The following ONECUT3 variants were observed in gnomAD, a reference collection of about 807,000 sequenced individuals.
The protein encoded by ONECUT3 is one cut domain family member 3.
A neutral mutation model predicts 16.8 loss-of-function variants in ONECUT3; 11 were observed. That is an observed-to-expected ratio of 0.66 (90% CI 0.41 to 1.09). ONECUT3 has a LOEUF of 1.09. Among genes scored for constraint, ONECUT3 ranks in the 50% least tolerant of loss-of-function variants. The pLI is 0.00. For missense variants in ONECUT3, 637 were observed against 629.9 expected, an observed-to-expected ratio of 1.01 and a Z score of -0.12; for synonymous variants, 344 against 310.7, an observed-to-expected ratio of 1.11 and a Z score of -1.13.
At position 1,775,213 on chromosome 19, in the gene ONECUT3, G is replaced by C. The variant is rs775262575; in HGVS notation, c.1253G>C (p.Arg418Pro). The change falls in exon 2 of 2, where the codon CGC becomes CCC. Residue 418 changes from arginine to proline, a missense_variant. Transcript: ENST00000382349. ...KERALQPKKQ[R>P]LVFTDLQRRT... is the part of the protein sequence containing the mutation. Reference sequence around the variant, plus strand: ...CGCGCCCTGCAGCCCAAGAAGCAGCGCCTGGTGTTCACCGACCTGCAGCGA... The same window carrying C: ...CGCGCCCTGCAGCCCAAGAAGCAGCCCCTGGTGTTCACCGACCTGCAGCGA... 6.4e-7 allele frequency: 1 copy of C among 1,555,420 alleles called. No individual in the cohort carries two copies. The highest frequency in any genetic ancestry group is 1.4e-5 in the African/African-American group (1 of 72,126).
rs112228195 is a variant in ONECUT3 at position 1,759,333 on chromosome 19, C to G, written c.1192+4479C>G. Among the ~76,000 whole-genome samples, 7 of 151,822 alleles carry G rather than the reference C, an allele frequency of 4.6e-5. No individual in the cohort carries two copies. The highest frequency in any genetic ancestry group is 1.7e-4 in the African/African-American group (7 of 41,358). ...TACAGGCCCTCCCTCCCCGGCTTCT[C>G]CCCCCTACCCGCTGCCACCATCAAG... On this transcript the variant is annotated intron_variant, in intron 1 of 1. Coordinates refer to ENST00000382349, the MANE Select transcript of ONECUT3 (RefSeq NM_001080488.2). The surrounding 1 kb of genome is among the most constrained non-coding windows in gnomAD (Gnocchi z 4.1).
intron 1 of ONECUT3, among the ~76,000 whole-genome samples, chr19:1,772,960 C>G (rs900820582): frequency 1.2e-4 from 18 of 151,522 alleles, no homozygotes; most frequent in African/African-American, 4.4e-4. Flanking sequence ...GCCTCGGCCT[C>G]CCAAAGTGCT....
At chr19:1,770,278 T>C (rs1162205880) in intron 1 of ONECUT3, among the ~76,000 whole-genome samples, 2 of 152,130 alleles carry the variant, frequency 1.3e-5, no homozygotes, top group Non-Finnish European at 2.9e-5. Context: ...TTTTGTTTTT[T>C]GTTTTTTAAT....
rs77696997 is a variant in ONECUT3, at chr19:1,756,137, C to A, written c.1192+1283C>A. On this transcript the variant is annotated intron_variant, in intron 1 of 1. Transcript: ENST00000382349. ...GGGGGGCTGGGCGAAGAGAGGACAG[C>A]GGGGTGTCCTGTGCTGTTCCTCCCT... is the stretch of plus-strand genomic sequence containing the variant. 4.6e-5 allele frequency among the ~76,000 whole-genome samples: 7 copies of A among 152,226 alleles called. No homozygotes were observed. The East Asian group carries it at 1.4e-3, about 29-fold the overall frequency.
chr19:1,769,109 C>G (rs1423071489), intron 1 of ONECUT3, among the ~76,000 whole-genome samples: 2 of 78,262 alleles, frequency 2.6e-5, no homozygotes, highest in African/African-American at 5.3e-5. Flanking sequence ...GGAGGAGATG[C>G]TGGAGGTGGA....
At position 1,778,149 on chromosome 19, in the gene ONECUT3, G is replaced by A. The variant is rs1273660135; in HGVS notation, c.*2704G>A. The stretch of plus-strand genomic sequence containing the variant: ...GGGTTTTGCTCTGTTACCCAGGCTG[G>A]AGTGCAGTGGTGCAATCGTAGCTCA... On this transcript the variant is annotated 3_prime_UTR_variant, in exon 2 of 2. Coordinates refer to ENST00000382349, the MANE Select transcript of ONECUT3 (RefSeq NM_001080488.2). The A allele has an allele frequency of 6.6e-6, 1 of 152,036 alleles. No individual in the cohort carries two copies. The highest frequency in any genetic ancestry group is 1.5e-5 in the Non-Finnish European group (1 of 68,022). 9.4% of individuals were successfully genotyped at this position (152,036 alleles called of 1,614,324 possible).
chr19:1,773,483 C>A (rs1346179359), intron 1 of ONECUT3, among the ~76,000 whole-genome samples: 1 of 152,146 alleles, frequency 6.6e-6, no homozygotes, highest in Non-Finnish European at 1.5e-5. Context: ...AAGGAACATT[C>A]ATTTATTTCT....
At chr19:1,770,047 G>A (rs1443800258) in intron 1 of ONECUT3, among the ~76,000 whole-genome samples, 1 of 152,086 alleles carries the variant, frequency 6.6e-6, no homozygotes, top group Non-Finnish European at 1.5e-5. Flanking sequence ...CTGAGGGGTG[G>A]CTCACATTCT....
chr19:1,763,368 A>AAAAAAAAAAAAAAAAAAAAT, intron 1 of ONECUT3, among the ~76,000 whole-genome samples: 1 of 78,836 alleles, frequency 1.3e-5, no homozygotes, highest in Non-Finnish European at 2.2e-5. Flanking sequence ...CTCCATCTCA[A>AAAAAAAAAAAAAAAAAAAAT]AAAAAAAAAA....
chr19:1,753,650 A>T lies in ONECUT3; in HGVS notation c.-13A>T. The T allele has an allele frequency of 9.8e-7, 1 of 1,024,460 alleles. No individual in the cohort carries two copies. The highest frequency in any genetic ancestry group is 1.2e-6 in the Non-Finnish European group (1 of 849,058). 63.5% of individuals were successfully genotyped at this position (1,024,460 alleles called of 1,614,324 possible). On this transcript the variant is annotated 5_prime_UTR_variant, in exon 1 of 2. Coordinates refer to ENST00000382349, the MANE Select transcript of ONECUT3 (RefSeq NM_001080488.2). ...GGCGCTGAGGAGCGCGCGCGGCGGG[A>T]GGGCAGCCGAGCATGGAGCTGAGCC...
chr19:1,754,936 C>G lies in ONECUT3; in HGVS notation c.1192+82C>G. The G allele has an allele frequency of 7.8e-7, 1 of 1,282,102 alleles. No homozygotes were observed. Among genetic ancestry groups the G allele is most frequent in the Non-Finnish European group, 9.9e-7 (1 of 1,013,194 alleles). 79.4% of individuals were successfully genotyped at this position (1,282,102 alleles called of 1,614,324 possible). Reference sequence around the variant, plus strand: ...CACCTAGCGGGGCGGCGGCCGATGCCCGGGGCCAGCGCCCCAAGCCCCGCC... The same window carrying G: ...CACCTAGCGGGGCGGCGGCCGATGCGCGGGGCCAGCGCCCCAAGCCCCGCC... On this transcript the variant is annotated intron_variant, in intron 1 of 1. Transcript: ENST00000382349. The surrounding 1 kb of genome is among the most constrained non-coding windows in gnomAD (Gnocchi z 7.4).
intron 1 of ONECUT3, among the ~76,000 whole-genome samples, chr19:1,772,860 ATTTTTTTTT>A (rs759006591): frequency 9.3e-6 from 1 of 107,234 alleles, no homozygotes; most frequent in African/African-American, 3.9e-5. Flanking sequence ...CGTCCAGCTA[ATTTTTTTTT>A]TTTTTTTTTT....
chr19:1,771,632 A>G (rs141153851), intron 1 of ONECUT3, among the ~76,000 whole-genome samples: 94 of 152,220 alleles, frequency 6.2e-4, no homozygotes, highest in African/African-American at 2.2e-3. Flanking sequence ...ATTTCACAAC[A>G]ACGAGGCTTG....
Position 1,755,106 on chromosome 19 carries a change from G to A in ONECUT3, c.1192+252G>A, listed in dbSNP as rs143393271. The stretch of plus-strand genomic sequence containing the variant: ...CGCCGCTTCTGCCCCTTTCGGGAGC[G>A]CGTAGGGGTTCTCTAGTCCTTGTTA... On this transcript the variant is annotated intron_variant, in intron 1 of 1. Coordinates refer to ENST00000382349, the MANE Select transcript of ONECUT3 (RefSeq NM_001080488.2). The surrounding 1 kb of genome is among the most constrained non-coding windows in gnomAD (Gnocchi z 7.5). 5.1e-3 allele frequency among the ~76,000 whole-genome samples: 770 copies of A among 152,300 alleles called. 6 individuals are homozygous for A. Among genetic ancestry groups the A allele is most frequent in the African/African-American group, 0.018 (739 of 41,562 alleles).
intron 1 of ONECUT3, among the ~76,000 whole-genome samples, chr19:1,760,742 C>T (rs973859312): frequency 3.9e-5 from 6 of 152,072 alleles, no homozygotes; most frequent in Non-Finnish European, 7.4e-5. Context: ...CAGCAGACCT[C>T]CCCCTCCCAA....
intron 1 of ONECUT3, among the ~76,000 whole-genome samples, chr19:1,768,859 GGAGGAGGTGGCGGAGGTA>G (rs2145964335): frequency 6.6e-6 from 1 of 151,952 alleles, no homozygotes. Flanking sequence ...TGGAGACGAT[GGAGGAGGTGGCGGAGGTA>G]GAGGTGGAGG....
chr19:1,770,190 AG>A (rs1473532600), intron 1 of ONECUT3, among the ~76,000 whole-genome samples: 1 of 152,194 alleles, frequency 6.6e-6, no homozygotes, highest in Non-Finnish European at 1.5e-5. Flanking sequence ...CCCAGGAGTT[AG>A]AGACCAGCCT....
At chr19:1,760,708 G>A (rs909249334) in intron 1 of ONECUT3, among the ~76,000 whole-genome samples, 3 of 151,946 alleles carry the variant, frequency 2.0e-5, no homozygotes, top group African/African-American at 7.3e-5. Context: ...GAGCCCCCAG[G>A]ACCATCCCCG....
rs151010145 is a variant in ONECUT3, at chr19:1,758,273, G to C, written c.1192+3419G>C. Among the ~76,000 whole-genome samples, 3,592 of 147,268 alleles carry C rather than the reference G, an allele frequency of 0.024. 52 individuals are homozygous for C. Among genetic ancestry groups the C allele is most frequent in the South Asian group, 0.047 (213 of 4,572 alleles). Reference sequence around the variant, plus strand: ...AGCCCAGAAAGGAACAGAGGTGAAGGAGAGACGAAAAGAGAGGCAGAGAGA... The same window carrying C: ...AGCCCAGAAAGGAACAGAGGTGAAGCAGAGACGAAAAGAGAGGCAGAGAGA... On this transcript the variant is annotated intron_variant, in intron 1 of 1. Transcript: ENST00000382349. This position sits in a 1 kb window ranked among gnomAD's most constrained non-coding sequence, Gnocchi z 5.9.
Sources: allele counts gnomAD v4.1 joint callset (sites outside exome capture counted in the v4.1 genomes callset), GRCh38; gene constraint gnomAD v4.1.1; non-coding constraint Gnocchi (gnomAD v3.1); transcripts MANE v1.5; gene names NCBI Gene and HGNC (gene_info 2026-07-23, HGNC 2026-07-21).